The following CLDN2 variants were observed in gnomAD, a reference collection of about 807,000 sequenced individuals.
CLDN2 encodes claudin-2.
CLDN2 carries 1 observed loss-of-function variant against 8.2 expected under a neutral mutation model. The ratio of observed to expected loss-of-function variants is 0.12; its 90% CI spans 0.04 to 0.58. The LOEUF (loss-of-function observed/expected upper bound fraction) is 0.58. Among genes scored for constraint, CLDN2 ranks in the 20% least tolerant of loss-of-function variants. The probability of loss-of-function intolerance (pLI) is 0.90; values close to 1 mark genes in which losing one functional copy is unlikely to be tolerated. For missense variants in CLDN2, 108 were observed against 172.9 expected (o/e 0.62, Z 2.11); for synonymous variants, 70 against 70.2 (o/e 1.00, Z 0.01).
Position 106,929,225 on chromosome X carries a change from T to C in CLDN2, c.*304T>C, listed in dbSNP as rs1023597988. The C allele has an allele frequency of 6.1e-6, 2 of 325,850 alleles. No homozygotes were observed. The highest frequency in any genetic ancestry group is 1.1e-5 in the Non-Finnish European group (2 of 180,577). 26.9% of individuals were successfully genotyped at this position (325,850 alleles called of 1,213,427 possible). On this transcript the variant is annotated 3_prime_UTR_variant, in exon 2 of 2. Transcript: ENST00000336803. ...TTCCCTTAAGCCAGGACTCAGAGGATCCCTTTGCCCTCTGGTTTACCTGGG... is the reference window on the plus strand; with the variant it reads ...TTCCCTTAAGCCAGGACTCAGAGGACCCCTTTGCCCTCTGGTTTACCTGGG...
At chrX:106,927,683 G>A (rs1933487820) in intron 1 of CLDN2, among the ~76,000 whole-genome samples, 1 of 112,384 alleles carries the variant, frequency 8.9e-6, no homozygotes, top group Non-Finnish European at 1.9e-5. Flanking sequence ...TGTTCCTCCT[G>A]ATGTAGTCTG....
intron 1 of CLDN2, among the ~76,000 whole-genome samples, chrX:106,924,908 C>T (rs1933446379): frequency 9.2e-6 from 1 of 108,473 alleles, no homozygotes; most frequent in African/African-American, 3.4e-5. Flanking sequence ...ATATTTTAGT[C>T]ATATGGAGCC....
chrX:106,910,840 T>C (rs758116563), intron 1 of CLDN2, among the ~76,000 whole-genome samples: 1 of 112,103 alleles, frequency 8.9e-6, no homozygotes, highest in East Asian at 2.8e-4. Context: ...TCTTGTCTAA[T>C]GCCTGTACTT....
chrX:106,900,701 G>A (rs1456151674), intron 1 of CLDN2: 6 of 1,169,312 alleles, frequency 5.1e-6, no homozygotes, highest in Non-Finnish European at 6.9e-6. Context: ...TGTAGGGTAT[G>A]GACCCTGGTA....
At chrX:106,907,000 C>T (rs1245737934) in intron 1 of CLDN2, among the ~76,000 whole-genome samples, 2 of 111,604 alleles carry the variant, frequency 1.8e-5, no homozygotes, top group African/African-American at 3.3e-5. Context: ...ACATGCTAGA[C>T]TTCCGCTTTT....
At chrX:106,919,208 A>G (rs1290306172), upstream of CLDN2, among the ~76,000 whole-genome samples, 1 of 112,029 alleles carries the variant, frequency 8.9e-6, no homozygotes, top group Non-Finnish European at 1.9e-5. Context: ...TCAATTTTAT[A>G]AAACAAATCC....
chrX:106,908,567 C>CTTTTT (rs138799168), intron 1 of CLDN2, among the ~76,000 whole-genome samples: 1 of 91,542 alleles, frequency 1.1e-5, no homozygotes. Context: ...CTTTTCTTTT[C>CTTTTT]TTTTTTTTTT....
At chrX:106,904,639 AC>A (rs1325092907) in intron 1 of CLDN2, among the ~76,000 whole-genome samples, 1 of 111,118 alleles carries the variant, frequency 9.0e-6, no homozygotes, top group African/African-American at 3.3e-5. Context: ...CTGTTCACCT[AC>A]CCCCCATCTT....
chrX:106,919,224 A>G (rs1477688456), upstream of CLDN2, among the ~76,000 whole-genome samples: 3 of 111,780 alleles, frequency 2.7e-5, no homozygotes, highest in East Asian at 8.4e-4. Context: ...AATCCCATCG[A>G]TATCTTCTAC....
upstream of CLDN2, among the ~76,000 whole-genome samples, chrX:106,913,744 C>G (rs940379591): frequency 2.7e-5 from 3 of 110,026 alleles, no homozygotes; most frequent in African/African-American, 9.9e-5. Context: ...TCCAAGTTTA[C>G]TCAGGTTGTT....
At chrX:106,903,512 G>T (rs1044588568) in intron 1 of CLDN2, among the ~76,000 whole-genome samples, 1 of 111,840 alleles carries the variant, frequency 8.9e-6, no homozygotes, top group African/African-American at 3.3e-5. Flanking sequence ...AATAAACATG[G>T]TGTCAGTGGG....
At chrX:106,927,963 G>T in intron 1 of CLDN2, 88 bp from the exon 2 acceptor site, 1 of 266,337 alleles carries the variant, frequency 3.8e-6, no homozygotes, top group Non-Finnish European at 6.6e-6. Context: ...TATTTCTAAA[G>T]ATAACAAAGG....
In CLDN2 at chrX:106,900,573, AAT is replaced by A; in HGVS notation, c.-179+71_-179+72del. The A allele has an allele frequency of 8.0e-6, 7 of 871,545 alleles. No individual in the cohort carries two copies. In the South Asian group the frequency reaches 1.8e-4, roughly 22 times the overall value. 71.8% of individuals were successfully genotyped at this position (871,545 alleles called of 1,213,427 possible). On this transcript the variant is annotated intron_variant, in intron 1 of 1. Coordinates refer to the CLDN2 transcript ENST00000541806. ...TCCAGAAAGCTCTATCTGCTGGACT[AAT>A]ACTTCCGGCTAACTGATGTCTGTGA...
chrX:106,910,649 T>C (rs1466198958), intron 1 of CLDN2, among the ~76,000 whole-genome samples: 1 of 108,792 alleles, frequency 9.2e-6, no homozygotes, highest in Non-Finnish European at 1.9e-5. Context: ...GAGGTAGAGG[T>C]TGCAGTAAAA....
chrX:106,926,891 T>TCACACA (rs36178406), intron 1 of CLDN2, among the ~76,000 whole-genome samples: 2 of 10,287 alleles, frequency 1.9e-4, no homozygotes, highest in Non-Finnish European at 3.0e-4. Context: ...GGCAGGAGGA[T>TCACACA]CACACACACA....
chrX:106,916,176 T>C (rs1466397015), upstream of CLDN2, among the ~76,000 whole-genome samples: 1 of 110,605 alleles, frequency 9.0e-6, no homozygotes, highest in Non-Finnish European at 1.9e-5. Flanking sequence ...ACAAGATGCT[T>C]TGGGAGCATA....
At chrX:106,927,533 C>T (rs1444486492) in intron 1 of CLDN2, among the ~76,000 whole-genome samples, 3 of 111,507 alleles carry the variant, frequency 2.7e-5, no homozygotes, top group Non-Finnish European at 5.7e-5. Context: ...GGACAGAAGG[C>T]TTTGCTGCCC....
rs781343821 is a variant in CLDN2 at position 106,928,659 on chromosome X, T to G, written c.431T>G (p.Leu144Arg). 8.3e-7 allele frequency: 1 copy of G among 1,210,060 alleles called. No individual in the cohort carries two copies. Among genetic ancestry groups the G allele is most frequent in the South Asian group, 1.8e-5 (1 of 56,729 alleles). Reference sequence around the variant, plus strand: ...GTTGCCTGGAATCTTCATGGGATCCTACGGGACTTCTACTCACCACTGGTG... The same window carrying G: ...GTTGCCTGGAATCTTCATGGGATCCGACGGGACTTCTACTCACCACTGGTG... ...IPVAWNLHGI[L>R]RDFYSPLVPD... Residue 144 changes from leucine to arginine, a missense_variant, in exon 2 of 2, where the codon CTA (leucine) becomes CGA (arginine). Physicochemically the swap from Leu to Arg is moderately radical, Grantham distance 102. This residue lies in a region of CLDN2 where 81 missense variants were observed against 100.8 expected (regional missense o/e 0.80). Transcript: ENST00000336803.
At chrX:106,925,224 T>A (rs1485306310) in intron 1 of CLDN2, among the ~76,000 whole-genome samples, 2 of 111,725 alleles carry the variant, frequency 1.8e-5, no homozygotes, top group Non-Finnish European at 3.8e-5. Context: ...AATGGTCCCA[T>A]AAGAAACACT....
Sources: allele counts gnomAD v4.1 joint callset (sites outside exome capture counted in the v4.1 genomes callset), GRCh38; gene constraint gnomAD v4.1.1; regional missense constraint gnomAD v4.1.1; transcripts MANE v1.5; gene names NCBI Gene and HGNC (gene_info 2026-07-23, HGNC 2026-07-21).